The following SLCO3A1 variants were observed in gnomAD, a reference collection of about 807,000 sequenced individuals.
SLCO3A1 encodes solute carrier organic anion transporter family member 3A1.
SLCO3A1 carries 27 observed loss-of-function variants against 63.1 expected under a neutral mutation model. That is an observed-to-expected ratio of 0.43 (90% CI 0.32 to 0.59). The LOEUF is 0.59. SLCO3A1 is among the 20% of genes least tolerant of loss of function. The pLI is 0.09. For missense variants in SLCO3A1, 773 were observed against 945.8 expected (o/e 0.82, Z 2.40); for synonymous variants, 473 against 409.9 (o/e 1.15, Z -1.86).
chr15:92,090,512 G>A (rs926530126), intron 2 of SLCO3A1, among the ~76,000 whole-genome samples: 4 of 152,130 alleles, frequency 2.6e-5, no homozygotes, highest in African/African-American at 4.8e-5. Flanking sequence ...CTGGGAGGTC[G>A]GGCTGGCAAC....
At chr15:91,965,016 A>G (rs962527695) in intron 2 of SLCO3A1, among the ~76,000 whole-genome samples, 1 of 152,102 alleles carries the variant, frequency 6.6e-6, no homozygotes, top group African/African-American at 2.4e-5. Context: ...TACAGTCATC[A>G]CCACCATCTG....
At position 92,041,872 on chromosome 15, in the gene SLCO3A1, T is replaced by C. The variant is rs1018449580; in HGVS notation, c.647-53009T>C. The stretch of plus-strand genomic sequence containing the variant: ...AATATTTTAGCCAATCTGTATGCTG[T>C]AGATTTCTAGCTAAATGATGTTTAT... On this transcript the variant is annotated intron_variant, in intron 2 of 9. Coordinates refer to ENST00000318445, the MANE Select transcript of SLCO3A1 (RefSeq NM_013272.4). Among the ~76,000 whole-genome samples the C allele has an allele frequency of 3.3e-5, 5 of 152,118 alleles. No homozygotes were observed. In the South Asian group the frequency reaches 1.0e-3, roughly 32 times the overall value.
intron 7 of SLCO3A1, among the ~76,000 whole-genome samples, chr15:92,142,565 T>C (rs930148393): frequency 6.6e-6 from 1 of 152,210 alleles, no homozygotes; most frequent in Non-Finnish European, 1.5e-5. Context: ...TTGGTGATTA[T>C]TTTTCAACAT....
intron 2 of SLCO3A1, among the ~76,000 whole-genome samples, chr15:92,004,532 A>G (rs17596814): frequency 0.043 from 6,497 of 152,306 alleles, 219 homozygotes; most frequent in Non-Finnish European, 0.061. Flanking sequence ...GTAGTGTTGA[A>G]GAGATGATGA....
intron 2 of SLCO3A1, among the ~76,000 whole-genome samples, chr15:92,060,129 C>T (rs1033437501): frequency 1.6e-4 from 24 of 152,180 alleles, no homozygotes; most frequent in Admixed American, 8.5e-4. Context: ...ATGAATGGAG[C>T]TTGCAGGACT....
Position 91,916,763 on chromosome 15 carries a change from G to A in SLCO3A1, c.646+305G>A, listed in dbSNP as rs1174262738. On this transcript the variant is annotated intron_variant, in intron 2 of 9. Transcript: ENST00000318445. The surrounding 1 kb of genome is among the most constrained non-coding windows in gnomAD (Gnocchi z 6.2). ...TTATCTCTTCTTTTTGAGTGCGTAT[G>A]TGGACTTTGGGCTTTCTGATATTAG... is the stretch of plus-strand genomic sequence containing the variant. Among the ~76,000 whole-genome samples, 1 of 152,200 alleles carries A rather than the reference G, an allele frequency of 6.6e-6. No homozygotes were observed. The highest frequency in any genetic ancestry group is 1.5e-5 in the Non-Finnish European group (1 of 68,050).
intron 1 of SLCO3A1, among the ~76,000 whole-genome samples, chr15:91,899,817 C>T (rs895239212): frequency 2.6e-5 from 4 of 152,204 alleles, no homozygotes; most frequent in East Asian, 1.9e-4. Flanking sequence ...CCATAGCTTT[C>T]CATTTTCTGG....
chr15:92,121,604 A>C lies in SLCO3A1; in HGVS notation c.1174+975A>C, dbSNP rs571619251. Among the ~76,000 whole-genome samples, 7 of 152,314 alleles carry C rather than the reference A, an allele frequency of 4.6e-5. No individual in the cohort carries two copies. The South Asian group carries it at 1.5e-3, about 32-fold the overall frequency. ...TGGGATGATAATCGATATTATATGT[A>C]GTAGTGGAGGTTCAGTTGCCTCAGT... On this transcript the variant is annotated intron_variant, in intron 5 of 9. Coordinates refer to ENST00000318445, the MANE Select transcript of SLCO3A1 (RefSeq NM_013272.4).
intron 1 of SLCO3A1, among the ~76,000 whole-genome samples, chr15:91,881,704 G>T (rs564013325): frequency 1.3e-5 from 2 of 152,104 alleles, no homozygotes; most frequent in Admixed American, 6.5e-5. Context: ...TCTTTCTGTC[G>T]GAGCTCAGTG....
intron 1 of SLCO3A1, among the ~76,000 whole-genome samples, chr15:91,903,614 C>T (rs1898216633): frequency 6.6e-6 from 1 of 152,118 alleles, no homozygotes; most frequent in Non-Finnish European, 1.5e-5. Flanking sequence ...CCTTTTCCTC[C>T]AGTGGACACA....
chr15:92,126,377 C>A, intron 6 of SLCO3A1, 118 bp downstream of exon 6: 1 of 773,708 alleles, frequency 1.3e-6, no homozygotes, highest in Non-Finnish European at 2.2e-6. Context: ...CGCATCACGG[C>A]TGCCTCTGCA....
chr15:91,920,073 C>T (rs7174549), intron 2 of SLCO3A1, among the ~76,000 whole-genome samples: 103,325 of 152,094 alleles, frequency 0.68, 35,442 homozygotes, highest in East Asian at 0.91. Context: ...ATATATACGA[C>T]AATATTTAAT....
chr15:91,896,154 C>A (rs372842274), intron 1 of SLCO3A1, among the ~76,000 whole-genome samples: 104 of 152,240 alleles, frequency 6.8e-4, no homozygotes, highest in African/African-American at 2.4e-3. Context: ...GAAATATCTG[C>A]AGTTCATAAT....
chr15:92,069,671 G>T (rs1352821951), intron 2 of SLCO3A1, among the ~76,000 whole-genome samples: 3 of 152,160 alleles, frequency 2.0e-5, no homozygotes, highest in Non-Finnish European at 4.4e-5. Context: ...CCTGCTGGGG[G>T]AGGAGGCAAC....
intron 7 of SLCO3A1, among the ~76,000 whole-genome samples, chr15:92,144,172 A>C (rs997853449): frequency 6.6e-6 from 1 of 152,250 alleles, no homozygotes; most frequent in Non-Finnish European, 1.5e-5. Flanking sequence ...TACCCTTCAC[A>C]GTTCCCAGTT....
intron 2 of SLCO3A1, among the ~76,000 whole-genome samples, chr15:91,943,569 G>T (rs1190189260): frequency 6.6e-6 from 1 of 152,182 alleles, no homozygotes; most frequent in Non-Finnish European, 1.5e-5. Context: ...TGTCTTTTGA[G>T]TTCCTGCTTT....
chr15:92,163,015 T>A lies in SLCO3A1; in HGVS notation c.2013T>A (p.Ser671=). Reference sequence around the variant, plus strand: ...TGAGCACCAGTGAGTTCTTTGCCTCTACTCTGACCCTAGACAACCTGGGGA... The same window carrying A: ...TGAGCACCAGTGAGTTCTTTGCCTCAACTCTGACCCTAGACAACCTGGGGA... ...GGLSTSEFFA[S]TLTLDNLGRD... The change falls in exon 10 of 10, where the codon TCT becomes TCA. Residue 671 remains serine (S), a synonymous_variant. Transcript: ENST00000318445. 1 of 1,610,310 alleles carries A rather than the reference T, an allele frequency of 6.2e-7. No individual in the cohort carries two copies.
At chr15:91,920,767 A>G (rs1416038461) in intron 2 of SLCO3A1, among the ~76,000 whole-genome samples, 1 of 152,172 alleles carries the variant, frequency 6.6e-6, no homozygotes, top group Non-Finnish European at 1.5e-5. Flanking sequence ...GGTTCTGGTT[A>G]TGCCCTCTGG....
chr15:91,944,952 A>C (rs1899753862), intron 2 of SLCO3A1, among the ~76,000 whole-genome samples: 2 of 152,092 alleles, frequency 1.3e-5, no homozygotes, highest in South Asian at 4.1e-4. Flanking sequence ...ATTCTCTTTA[A>C]CTTAGAATGA....
Sources: gnomAD v4.1 joint callset for allele counts (sites outside exome capture counted in the v4.1 genomes callset) on GRCh38, gnomAD v4.1.1 for gene constraint, Gnocchi (gnomAD v3.1) non-coding constraint, MANE v1.5 for transcripts, NCBI Gene and HGNC (gene_info 2026-07-23, HGNC 2026-07-21) for gene names.